ELMO1: variants seen among roughly 807,000 people sequenced by gnomAD.
The protein encoded by ELMO1 is engulfment and cell motility 1, also known as engulfment and cell motility protein 1.
ELMO1 carries 26 observed loss-of-function variants against 98.9 expected under a neutral mutation model. The observed-to-expected ratio is 0.26, with a 90% CI of 0.19 to 0.36. The LOEUF is 0.36. Ranked by LOEUF, ELMO1 falls within the 10% of genes least tolerant of loss-of-function variation. ELMO1 has a pLI of 1.00. For missense variants in ELMO1, 627 were observed against 935.2 expected, an observed-to-expected ratio of 0.67 and a Z score of 4.30; for synonymous variants, 346 against 346.0, an observed-to-expected ratio of 1.00 and a Z score of 0.00.
intron 7 of ELMO1, among the ~76,000 whole-genome samples, chr7:37,243,657 A>G (rs903796210): frequency 2.0e-5 from 3 of 152,196 alleles, no homozygotes; most frequent in Non-Finnish European, 2.9e-5. Context: ...AGCTTACAAA[A>G]TAAGGTTCAC....
chr7:36,973,933 G>A lies in ELMO1; in HGVS notation c.1437+39366C>T, dbSNP rs190165274. ...GGTCCCCCAGCAGTGCCAGCCCACC[G>A]GCGCTGAGCTCAATTTCTCACTGGG... On this transcript the variant is annotated intron_variant, in intron 16 of 21. Transcript: ENST00000310758. Among the ~76,000 whole-genome samples, 6 of 152,354 alleles carry A rather than the reference G, an allele frequency of 3.9e-5. No homozygotes were observed. The East Asian group carries it at 7.7e-4, about 20-fold the overall frequency.
At chr7:37,408,033 G>A (rs1165262439) in intron 1 of ELMO1, among the ~76,000 whole-genome samples, 1 of 152,132 alleles carries the variant, frequency 6.6e-6, no homozygotes, top group Non-Finnish European at 1.5e-5. Flanking sequence ...TGTCAAGTCT[G>A]TAAGTGAATT....
intron 13 of ELMO1, among the ~76,000 whole-genome samples, chr7:37,173,164 T>A (rs1227269833): frequency 6.6e-6 from 1 of 152,252 alleles, no homozygotes; most frequent in East Asian, 1.9e-4. Flanking sequence ...CTGCACAGAA[T>A]TTAAGGCAAA....
At chr7:36,865,183 T>C (rs755882706) in intron 20 of ELMO1, among the ~76,000 whole-genome samples, 1 of 152,210 alleles carries the variant, frequency 6.6e-6, no homozygotes, top group Non-Finnish European at 1.5e-5. Context: ...TCACCACATA[T>C]GGCCATTTTG....
intron 13 of ELMO1, among the ~76,000 whole-genome samples, chr7:37,182,217 C>G (rs543265460): frequency 2.0e-5 from 3 of 152,246 alleles, no homozygotes; most frequent in African/African-American, 7.2e-5. Context: ...ACAGTGAAAA[C>G]TAGAGCTTCA....
intron 15 of ELMO1, among the ~76,000 whole-genome samples, chr7:37,092,388 TTTTTTTTG>T: frequency 8.3e-6 from 1 of 120,750 alleles, no homozygotes; most frequent in African/African-American, 4.2e-5. Context: ...TTTTTTTTTT[TTTTTTTTG>T]GAGACAGAGT....
chr7:37,328,353 A>T (rs181885518), intron 2 of ELMO1, among the ~76,000 whole-genome samples: 1 of 128,772 alleles, frequency 7.8e-6, no homozygotes, highest in Admixed American at 9.8e-5. Context: ...ACTGCACTCC[A>T]GCTCTGGGCA....
intron 4 of ELMO1, among the ~76,000 whole-genome samples, chr7:37,298,282 T>A (rs1329810993): frequency 2.0e-4 from 11 of 53,680 alleles, no homozygotes; most frequent in Non-Finnish European, 4.4e-4. Context: ...TAGGAAGTTT[T>A]TTTTGTTTTT....
intron 1 of ELMO1, among the ~76,000 whole-genome samples, chr7:37,350,120 G>A (rs1383377820): frequency 6.6e-6 from 1 of 152,168 alleles, no homozygotes; most frequent in Non-Finnish European, 1.5e-5. Context: ...GGACCTGATG[G>A]CCATTCTGAA....
intron 13 of ELMO1, among the ~76,000 whole-genome samples, chr7:37,148,026 T>C (rs1788110955): frequency 6.6e-6 from 1 of 152,164 alleles, no homozygotes; most frequent in Non-Finnish European, 1.5e-5. Flanking sequence ...GATTTTGTCC[T>C]GAGCAATACT....
chr7:37,100,447 T>A (rs1046086353), intron 14 of ELMO1, among the ~76,000 whole-genome samples: 8 of 152,208 alleles, frequency 5.3e-5, no homozygotes, highest in African/African-American at 1.9e-4. Flanking sequence ...CATGAAGTGT[T>A]GAGTCCAAGG....
intron 13 of ELMO1, among the ~76,000 whole-genome samples, chr7:37,163,361 A>C (rs1789370231): frequency 6.7e-6 from 1 of 149,676 alleles, no homozygotes; most frequent in Admixed American, 6.7e-5. Flanking sequence ...TTATTATTAT[A>C]CTTTAAGTTT....
intron 13 of ELMO1, among the ~76,000 whole-genome samples, chr7:37,157,742 T>C (rs924208122): frequency 3.9e-5 from 6 of 152,190 alleles, no homozygotes; most frequent in African/African-American, 1.4e-4. Context: ...AGGTAATTTA[T>C]AGATTCAATG....
chr7:37,145,109 T>C (rs528114082), intron 13 of ELMO1, among the ~76,000 whole-genome samples: 48 of 152,154 alleles, frequency 3.2e-4, no homozygotes, highest in Non-Finnish European at 5.7e-4. Flanking sequence ...AAGCACTGAT[T>C]GCTGGCCCCA....
intron 1 of ELMO1, among the ~76,000 whole-genome samples, chr7:37,440,797 G>C (rs60536561): frequency 0.022 from 3,311 of 151,356 alleles, 120 homozygotes; most frequent in African/African-American, 0.077. Flanking sequence ...AGGAAACTGT[G>C]GGGTGGGGAG....
chr7:36,867,986 T>G (rs1388805856), intron 20 of ELMO1, among the ~76,000 whole-genome samples: 1 of 152,226 alleles, frequency 6.6e-6, no homozygotes, highest in African/African-American at 2.4e-5. Context: ...CTGCCGTTGC[T>G]GAGTGGATTA....
At chr7:37,394,874 C>T (rs544972512) in intron 1 of ELMO1, among the ~76,000 whole-genome samples, 5 of 152,108 alleles carry the variant, frequency 3.3e-5, no homozygotes, top group Non-Finnish European at 5.9e-5. Flanking sequence ...AACTTGAGAC[C>T]CCAGCAAATT....
intron 4 of ELMO1, among the ~76,000 whole-genome samples, chr7:37,293,977 G>C (rs1797897706): frequency 6.6e-6 from 1 of 151,968 alleles, no homozygotes; most frequent in African/African-American, 2.4e-5. Context: ...TGAACTAAGA[G>C]TTATCAGTTG....
At chr7:37,052,802 G>T (rs1796177537) in intron 15 of ELMO1, among the ~76,000 whole-genome samples, 1 of 152,184 alleles carries the variant, frequency 6.6e-6, no homozygotes, top group Non-Finnish European at 1.5e-5. Flanking sequence ...TAGGGATAAG[G>T]TTAGGGCCAA....
Sources: allele counts gnomAD v4.1 joint callset (sites outside exome capture counted in the v4.1 genomes callset), GRCh38; gene constraint gnomAD v4.1.1; transcripts MANE v1.5; gene names NCBI Gene and HGNC (gene_info 2026-07-23, HGNC 2026-07-21).